MREG: variants seen among roughly 807,000 people sequenced by gnomAD.
MREG encodes melanoregulin.
MREG carries 31 observed loss-of-function variants against 28.5 expected under a neutral mutation model. The ratio of observed to expected loss-of-function variants is 1.09; its 90% CI spans 0.82 to 1.47. The LOEUF (loss-of-function observed/expected upper bound fraction) is 1.47, where lower values mean the gene tolerates loss of function less well. MREG is among the 40% of genes most tolerant of loss of function. MREG has a pLI of 0.00. For synonymous variants in MREG, 106 were observed against 95.2 expected (o/e 1.11, Z -0.66); for missense variants, 256 against 257.4 (o/e 0.99, Z 0.04).
intron 1 of MREG, among the ~76,000 whole-genome samples, chr2:216,027,204 T>C (rs1333540097): frequency 2.0e-5 from 3 of 152,234 alleles, no homozygotes; most frequent in Non-Finnish European, 4.4e-5. Context: ...AATATTTTGC[T>C]GTAATACATT....
Position 215,949,078 on chromosome 2 carries a change from C to CTAATAA in MREG, c.256-1966_256-1965insTTATTA, listed in dbSNP as rs1491318499. 2.4e-3 allele frequency among the ~76,000 whole-genome samples: 217 copies of CTAATAA among 88,930 alleles called. 1 individual carries two copies. Among genetic ancestry groups the CTAATAA allele is most frequent in the East Asian group, 0.014 (49 of 3,612 alleles). The allele number at this position is 88,930 out of a possible 152,430, so 58.3% of individuals were successfully genotyped here. ...ACTACTACTACTACTACTACTACTA[C>CTAATAA]TACTACTACTAATAATAATAATAAT... is the stretch of plus-strand genomic sequence containing the variant. On this transcript the variant is annotated intron_variant, in intron 2 of 4. Coordinates refer to ENST00000263268, the MANE Select transcript of MREG (RefSeq NM_018000.3).
intron 1 of MREG, among the ~76,000 whole-genome samples, chr2:216,023,008 G>A (rs772620347): frequency 8.5e-5 from 13 of 152,106 alleles, no homozygotes; most frequent in Non-Finnish European, 1.3e-4. Context: ...AAAGATAACC[G>A]AATTTATGCC....
chr2:215,997,557 A>C (rs1036712087), intron 1 of MREG, among the ~76,000 whole-genome samples: 2 of 152,202 alleles, frequency 1.3e-5, no homozygotes, highest in African/African-American at 4.8e-5. Flanking sequence ...CAAAACAGAC[A>C]TCATCCCTGT....
At chr2:216,003,338 A>G (rs796547654) in intron 1 of MREG, among the ~76,000 whole-genome samples, 2 of 152,190 alleles carry the variant, frequency 1.3e-5, no homozygotes, top group African/African-American at 4.8e-5. Flanking sequence ...GCAGAGCCCC[A>G]TATGATGCTG....
chr2:216,006,686 T>C (rs1328580930), intron 1 of MREG, among the ~76,000 whole-genome samples: 1 of 152,216 alleles, frequency 6.6e-6, no homozygotes, highest in East Asian at 1.9e-4. Flanking sequence ...AACGTACTCG[T>C]CAACTTTCTA....
At chr2:215,969,696 A>C (rs1693036626) in intron 2 of MREG, among the ~76,000 whole-genome samples, 4 of 152,152 alleles carry the variant, frequency 2.6e-5, no homozygotes, top group Admixed American at 1.3e-4. Flanking sequence ...GCATTATATA[A>C]GCATCCTTGA....
chr2:215,946,614 T>C (rs181413820), intron 3 of MREG, among the ~76,000 whole-genome samples: 3 of 152,244 alleles, frequency 2.0e-5, no homozygotes, highest in African/African-American at 7.2e-5. Context: ...TCTTCCGAAA[T>C]TCTACACTGA....
chr2:215,949,072 C>CTAATAA lies in MREG; in HGVS notation c.256-1960_256-1959insTTATTA, dbSNP rs1255306179. On this transcript the variant is annotated intron_variant, in intron 2 of 4. Coordinates refer to ENST00000263268, the MANE Select transcript of MREG (RefSeq NM_018000.3). ...ACTACTACTACTACTACTACTACTA[C>CTAATAA]TACTACTACTACTACTAATAATAAT... Among the ~76,000 whole-genome samples the CTAATAA allele has an allele frequency of 4.9e-3, 571 of 115,450 alleles. 12 individuals carry two copies. The highest frequency in any genetic ancestry group is 0.035 in the Admixed American group (379 of 10,976). The allele number at this position is 115,450 out of a possible 152,430, so 75.7% of individuals were successfully genotyped here.
downstream of MREG, chr2:215,941,537 C>T (rs1242968956): frequency 6.6e-6 from 1 of 152,124 alleles, no homozygotes; most frequent in Non-Finnish European, 1.5e-5. Flanking sequence ...TACAGTTATC[C>T]AAGTAAATAA....
chr2:216,033,298 TAAC>T (rs1239038586), upstream of MREG, among the ~76,000 whole-genome samples: 2 of 152,232 alleles, frequency 1.3e-5, no homozygotes, highest in East Asian at 1.9e-4. Flanking sequence ...TAAAAAATAA[TAAC>T]AACTGCCATG....
chr2:215,975,726 G>A (rs1444718804), intron 2 of MREG, among the ~76,000 whole-genome samples: 1 of 152,146 alleles, frequency 6.6e-6, no homozygotes, highest in Non-Finnish European at 1.5e-5. Context: ...TAAGCCTTCA[G>A]TTGGGAAAGT....
intron 1 of MREG, among the ~76,000 whole-genome samples, chr2:215,997,430 C>T (rs937979024): frequency 1.3e-5 from 2 of 152,126 alleles, no homozygotes; most frequent in African/African-American, 4.8e-5. Context: ...TTCTGTAACC[C>T]CCAGTTGACT....
chr2:216,012,000 T>C (rs566038395), intron 1 of MREG, among the ~76,000 whole-genome samples: 30 of 152,340 alleles, frequency 2.0e-4, no homozygotes, highest in African/African-American at 6.7e-4. Flanking sequence ...TCACTGTATA[T>C]TGTGTGTATG....
intron 2 of MREG, among the ~76,000 whole-genome samples, chr2:215,964,449 A>C (rs1238308178): frequency 6.6e-6 from 1 of 151,596 alleles, no homozygotes; most frequent in Non-Finnish European, 1.5e-5. Context: ...ACACCACCGC[A>C]CGCTAGCCTG....
intron 1 of MREG, among the ~76,000 whole-genome samples, chr2:216,001,805 G>C (rs1292140902): frequency 1.3e-5 from 2 of 152,118 alleles, no homozygotes; most frequent in East Asian, 3.9e-4. Flanking sequence ...AAGCCACATT[G>C]TTTTAAAACT....
At chr2:216,007,529 G>C (rs1163718361) in intron 1 of MREG, among the ~76,000 whole-genome samples, 1 of 151,928 alleles carries the variant, frequency 6.6e-6, no homozygotes, top group South Asian at 2.1e-4. Flanking sequence ...TCCCAGATTC[G>C]AGTGATTCTC....
intron 1 of MREG, among the ~76,000 whole-genome samples, chr2:216,031,817 G>C (rs1350308718): frequency 2.0e-5 from 3 of 152,204 alleles, no homozygotes; most frequent in African/African-American, 7.2e-5. Flanking sequence ...AACTAATCCA[G>C]ATTCAATGTC....
At chr2:215,960,996 C>T (rs916218896) in intron 2 of MREG, among the ~76,000 whole-genome samples, 3 of 152,330 alleles carry the variant, frequency 2.0e-5, no homozygotes, top group Non-Finnish European at 4.4e-5. Context: ...TGTTCCTAGA[C>T]AGCTGGTGCA....
At chr2:216,002,624 T>C (rs1460858049) in intron 1 of MREG, among the ~76,000 whole-genome samples, 5 of 152,212 alleles carry the variant, frequency 3.3e-5, no homozygotes. Flanking sequence ...GACTTTTGGT[T>C]TGATTTCCTG....
Sources: gnomAD v4.1 joint callset for allele counts (sites outside exome capture counted in the v4.1 genomes callset) on GRCh38, gnomAD v4.1.1 for gene constraint, MANE v1.5 for transcripts, NCBI Gene and HGNC (gene_info 2026-07-23, HGNC 2026-07-21) for gene names.